The following PCDH15 variants were observed in gnomAD, a reference collection of about 807,000 sequenced individuals.
The protein encoded by PCDH15 is protocadherin related 15.
A neutral mutation model predicts 178.5 loss-of-function variants in PCDH15; 129 were observed. The observed-to-expected ratio is 0.72, with a 90% CI of 0.63 to 0.84. The LOEUF (loss-of-function observed/expected upper bound fraction) is 0.84. Among genes scored for constraint, PCDH15 ranks in the 40% least tolerant of loss-of-function variants. The probability of loss-of-function intolerance (pLI) is 0.00; values close to 1 mark genes in which losing one functional copy is unlikely to be tolerated. For missense variants in PCDH15, 2,230 were observed against 2,099.9 expected (o/e 1.06, Z -1.21); for synonymous variants, 800 against 732.0 (o/e 1.09, Z -1.50).
chr10:55,330,612 T>A (rs1844174971), intron 2 of PCDH15, among the ~76,000 whole-genome samples: 1 of 151,944 alleles, frequency 6.6e-6, no homozygotes, highest in African/African-American at 2.4e-5. Flanking sequence ...CAGTCCTAGA[T>A]ATTTTACATG....
intron 1 of PCDH15, among the ~76,000 whole-genome samples, chr10:54,669,718 GCTA>G (rs1040146681): frequency 1.4e-5 from 2 of 147,804 alleles, no homozygotes; most frequent in Non-Finnish European, 3.0e-5. Flanking sequence ...TTTTTAACAT[GCTA>G]CTACATCTGA....
At chr10:55,532,976 C>T (rs1841486520) in intron 2 of PCDH15, among the ~76,000 whole-genome samples, 2 of 152,032 alleles carry the variant, frequency 1.3e-5, no homozygotes, top group Admixed American at 1.3e-4. Context: ...TTTACAGTTT[C>T]TCAGGACATT....
At chr10:54,132,570 T>G (rs749142894) in intron 15 of PCDH15, among the ~76,000 whole-genome samples, 6 of 152,166 alleles carry the variant, frequency 3.9e-5, no homozygotes, top group Non-Finnish European at 8.8e-5. Flanking sequence ...ACTCTTTGGA[T>G]CCAAAGTATA....
At chr10:54,725,923 T>C (rs999436733) in intron 1 of PCDH15, among the ~76,000 whole-genome samples, 2 of 151,606 alleles carry the variant, frequency 1.3e-5, no homozygotes, top group Non-Finnish European at 3.0e-5. Flanking sequence ...ACTAACTTGA[T>C]TGTCACAGGT....
At chr10:54,299,220 A>G (rs2059994315) in intron 8 of PCDH15, among the ~76,000 whole-genome samples, 1 of 152,134 alleles carries the variant, frequency 6.6e-6, no homozygotes, top group Non-Finnish European at 1.5e-5. Context: ...AGAGAGGAAG[A>G]GACAGAGACA....
chr10:54,834,593 A>C (rs1346162186), intron 3 of PCDH15, among the ~76,000 whole-genome samples: 1 of 152,170 alleles, frequency 6.6e-6, no homozygotes, highest in Admixed American at 6.6e-5. Flanking sequence ...GAAAAAAAAG[A>C]AAGAAACAAG....
At chr10:54,569,563 A>G (rs1362065819) in intron 2 of PCDH15, among the ~76,000 whole-genome samples, 4 of 152,156 alleles carry the variant, frequency 2.6e-5, no homozygotes, top group Non-Finnish European at 5.9e-5. Flanking sequence ...TGGTGTTGGG[A>G]TAAGATAATT....
intron 2 of PCDH15, among the ~76,000 whole-genome samples, chr10:54,535,861 C>A (rs73258173): frequency 0.1 from 15,560 of 151,770 alleles, 1,025 homozygotes; most frequent in East Asian, 0.35. Context: ...TATTATTGTA[C>A]TTTATTTTAT....
At chr10:54,545,394 C>G (rs1047915820) in intron 2 of PCDH15, among the ~76,000 whole-genome samples, 1 of 151,872 alleles carries the variant, frequency 6.6e-6, no homozygotes, top group Non-Finnish European at 1.5e-5. Flanking sequence ...AACTTATAAC[C>G]AAAACAAATG....
intron 2 of PCDH15, among the ~76,000 whole-genome samples, chr10:54,647,368 G>A (rs1284499733): frequency 6.6e-6 from 1 of 151,936 alleles, no homozygotes; most frequent in Non-Finnish European, 1.5e-5. Flanking sequence ...TTGGAGAGTG[G>A]GAGAAGTGAG....
At chr10:54,107,042 A>G (rs1254950021) in intron 15 of PCDH15, among the ~76,000 whole-genome samples, 1 of 152,054 alleles carries the variant, frequency 6.6e-6, no homozygotes, top group Non-Finnish European at 1.5e-5. Flanking sequence ...TTTCTCATCT[A>G]TCTCAGCTGT....
intron 7 of PCDH15, among the ~76,000 whole-genome samples, chr10:54,323,966 A>C (rs1342465989): frequency 2.0e-5 from 3 of 152,146 alleles, no homozygotes; most frequent in African/African-American, 7.2e-5. Flanking sequence ...GAATTATATT[A>C]TCATTTATAG....
chr10:55,201,354 C>T (rs1323804659), intron 1 of PCDH15, among the ~76,000 whole-genome samples: 3 of 152,040 alleles, frequency 2.0e-5, no homozygotes, highest in African/African-American at 7.3e-5. Context: ...ACTCCTGTTT[C>T]AGTTATGCAT....
intron 2 of PCDH15, among the ~76,000 whole-genome samples, chr10:54,656,879 C>T (rs952430283): frequency 2.0e-5 from 3 of 152,204 alleles, no homozygotes; most frequent in Non-Finnish European, 4.4e-5. Flanking sequence ...CCCATCTACT[C>T]TTGCAGACAC....
intron 21 of PCDH15, among the ~76,000 whole-genome samples, chr10:53,991,405 G>C (rs958398479): frequency 1.3e-5 from 2 of 151,944 alleles, no homozygotes; most frequent in African/African-American, 2.4e-5. Context: ...TAATCTGGTG[G>C]GGACTTGGAG....
chr10:55,316,035 T>C (rs1843714374), intron 1 of PCDH15, among the ~76,000 whole-genome samples: 1 of 151,972 alleles, frequency 6.6e-6, no homozygotes, highest in Non-Finnish European at 1.5e-5. Flanking sequence ...CAAAACAAAA[T>C]AAAAAATACA....
intron 2 of PCDH15, among the ~76,000 whole-genome samples, chr10:54,620,599 T>C (rs1012087822): frequency 2.0e-5 from 3 of 152,204 alleles, no homozygotes; most frequent in Middle Eastern, 3.4e-3. Flanking sequence ...ACCACCTAGT[T>C]TCTTGCGAAA....
intron 7 of PCDH15, among the ~76,000 whole-genome samples, chr10:54,324,487 G>A (rs1245175887): frequency 1.3e-5 from 2 of 151,988 alleles, no homozygotes; most frequent in Non-Finnish European, 2.9e-5. Flanking sequence ...TTTAGGCCGG[G>A]CACAGTGGTT....
chr10:54,094,559 A>G (rs1253334056), intron 15 of PCDH15, among the ~76,000 whole-genome samples: 1 of 152,174 alleles, frequency 6.6e-6, no homozygotes, highest in East Asian at 1.9e-4. Context: ...CGAGGTTGTC[A>G]GGTCTGGAGG....
Sources: allele counts gnomAD v4.1 joint callset (sites outside exome capture counted in the v4.1 genomes callset), GRCh38; gene constraint gnomAD v4.1.1; transcripts MANE v1.5; gene names NCBI Gene and HGNC (gene_info 2026-07-23, HGNC 2026-07-21).